FADS3: variants seen among roughly 807,000 people sequenced by gnomAD.
FADS3 encodes fatty acid desaturase 3, also known as cytochrome b5-related protein.
FADS3 carries 30 observed loss-of-function variants against 60.4 expected under a neutral mutation model. The observed-to-expected ratio is 0.50, with a 90% CI of 0.37 to 0.67. FADS3 has a LOEUF of 0.67. FADS3 is among the 30% of genes least tolerant of loss of function. The pLI, the probability that FADS3 is intolerant of heterozygous loss-of-function variation, is 0.00. For missense variants in FADS3, 432 were observed against 598.3 expected (o/e 0.72, Z 2.90); for synonymous variants, 234 against 249.3 (o/e 0.94, Z 0.58).
chr11:61,883,116 G>A (rs184921874), intron 1 of FADS3, among the ~76,000 whole-genome samples: 1 of 152,298 alleles, frequency 6.6e-6, no homozygotes, highest in Admixed American at 6.5e-5. Context: ...TTAAGTGCAT[G>A]CACAGTGTTG....
At chr11:61,881,840 A>T (rs1254949688) in intron 1 of FADS3, 1 of 152,230 alleles carries the variant, frequency 6.6e-6, no homozygotes, top group Non-Finnish European at 1.5e-5. Flanking sequence ...GGGGGCTGGT[A>T]GGGTGCCCCT....
At chr11:61,878,365 G>T in intron 5 of FADS3, 147 bp downstream of exon 5, 2 of 1,391,854 alleles carry the variant, frequency 1.4e-6, no homozygotes, top group Non-Finnish European at 2.0e-6. Context: ...TGGGAGGTGG[G>T]AAGGAAAGAC....
Position 61,879,528 on chromosome 11 carries a change from C to A in FADS3, c.325-19G>T, listed in dbSNP as rs537351047. The A allele has an allele frequency of 1.9e-6, 3 of 1,579,342 alleles. No individual in the cohort carries two copies. Among genetic ancestry groups the A allele is most frequent in the South Asian group, 2.3e-5 (2 of 86,432 alleles). ...GCTGCGCCTGCCATAGCAGAGGGGCCGATCAGCCAAGGAAGAAATTCCTCC... is the reference window on the plus strand; with the variant it reads ...GCTGCGCCTGCCATAGCAGAGGGGCAGATCAGCCAAGGAAGAAATTCCTCC... On this transcript the variant is annotated intron_variant, in intron 2 of 11. Coordinates refer to ENST00000278829, the MANE Select transcript of FADS3 (RefSeq NM_021727.5).
Position 61,877,002 on chromosome 11 carries a change from G to C in FADS3, c.886-39C>G, listed in dbSNP as rs1267879897. 2.1e-6 allele frequency: 3 copies of C among 1,449,240 alleles called. No individual in the cohort carries two copies. Among genetic ancestry groups the C allele is most frequent in the Middle Eastern group, 1.9e-4 (1 of 5,252 alleles). 89.8% of individuals were successfully genotyped at this position (1,449,240 alleles called of 1,614,324 possible). On this transcript the variant is annotated intron_variant, in intron 7 of 11. Coordinates refer to ENST00000278829, the MANE Select transcript of FADS3 (RefSeq NM_021727.5). The surrounding 1 kb of genome is among the most constrained non-coding windows in gnomAD (Gnocchi z 4.7). Reference sequence around the variant, plus strand: ...CAGAGGCGATACCGAGAGGTCTCCAGGTGCCCGGAGGTCTGGAGGCCTGGT... The same window carrying C: ...CAGAGGCGATACCGAGAGGTCTCCACGTGCCCGGAGGTCTGGAGGCCTGGT...
At position 61,878,271 on chromosome 11, in the gene FADS3, C is replaced by T. The variant is rs116362087; in HGVS notation, c.748-56G>A. Reference sequence around the variant, plus strand: ...AGCTCTCCAGGCCACCTCCTTCTCCCGGGCAAGGTCACGGGGCTGGCTGGG... The same window carrying T: ...AGCTCTCCAGGCCACCTCCTTCTCCTGGGCAAGGTCACGGGGCTGGCTGGG... On this transcript the variant is annotated intron_variant, in intron 5 of 11. Transcript: ENST00000278829. The T allele has an allele frequency of 1.6e-3, 2,483 of 1,576,960 alleles. 34 individuals carry two copies. The African/African-American group carries it at 0.029, about 18-fold the overall frequency.
At position 61,879,407 on chromosome 11, in the gene FADS3, G is replaced by C; in HGVS notation, c.427C>G (p.Leu143Val). 6.3e-7 allele frequency: 1 copy of C among 1,595,968 alleles called. No individual in the cohort carries two copies. The highest frequency in any genetic ancestry group is 1.7e-4 in the Middle Eastern group (1 of 6,046). ...AGCCAGGCCAGCACCTCCATGGCCA[G>C]GATGTGGCCCAGTAGGAAAGCAAAG... is the stretch of plus-strand genomic sequence containing the variant. ...TFFAFLLGHI[L>V]AMEVLAWLLI... The change falls in exon 3 of 12, where the codon CTG becomes GTG. Residue 143 changes from leucine (L) to valine (V), a missense_variant. Physicochemically the swap from Leu to Val is conservative, Grantham distance 32 (BLOSUM62 1). Around this residue, in one of 5 missense-constraint regions of FADS3, gnomAD observed 116 missense variants for 208.9 expected, o/e 0.56. Coordinates refer to ENST00000278829, the MANE Select transcript of FADS3 (RefSeq NM_021727.5).
At chr11:61,888,592 C>A (rs947468004) in intron 1 of FADS3, among the ~76,000 whole-genome samples, 3 of 152,198 alleles carry the variant, frequency 2.0e-5, no homozygotes, top group African/African-American at 7.2e-5. Flanking sequence ...AGGACCGTAA[C>A]CAAATAAGGT....
Position 61,891,268 on chromosome 11 carries a change from C to A in FADS3, c.114G>T (p.Trp38Cys), listed in dbSNP as rs1324466556. Residue 38 changes from tryptophan (W) to cysteine (C), a missense_variant, in exon 1 of 12, where the codon TGG (tryptophan) becomes TGT (cysteine). Physicochemically the swap from Trp to Cys is radical, Grantham distance 215 (BLOSUM62 -2). Around this residue, in one of 5 missense-constraint regions of FADS3, gnomAD observed 167 missense variants for 188.8 expected, o/e 0.88. Coordinates refer to ENST00000278829, the MANE Select transcript of FADS3 (RefSeq NM_021727.5). ...CGTAGACGCGGCGCTCGATGACCAGCCACTTGTCGCCGGGCTGGTCGTGCG... is the reference window on the plus strand; with the variant it reads ...CGTAGACGCGGCGCTCGATGACCAGACACTTGTCGCCGGGCTGGTCGTGCG... ...IRAHDQPGDK[W>C]LVIERRVYDI... is the part of the protein sequence containing the mutation. 1 of 1,539,914 alleles carries A rather than the reference C, an allele frequency of 6.5e-7. No individual in the cohort carries two copies. The highest frequency in any genetic ancestry group is 8.7e-7 in the Non-Finnish European group (1 of 1,146,506).
chr11:61,880,554 A>G (rs1477020452), intron 1 of FADS3: 4 of 156,652 alleles, frequency 2.6e-5, no homozygotes, highest in Non-Finnish European at 5.6e-5. Context: ...GGTCACGAAC[A>G]TTTGATTTAC....
In FADS3 at chr11:61,880,258, G is replaced by A. The variant is rs368044878; in HGVS notation, c.214-107C>T. 6.7e-4 allele frequency: 537 copies of A among 802,258 alleles called. 6 individuals are homozygous for A. In the South Asian group the frequency reaches 8.7e-3, roughly 13 times the overall value. 49.7% of individuals were successfully genotyped at this position (802,258 alleles called of 1,614,324 possible). A position where few individuals can be genotyped will look rare whatever the true frequency, so the allele number is the denominator to read the frequency against. ...CTACGGATGGATGGGCAGAGCAGAC[G>A]ACAGGCGGACAGGAAGTCAGCCGGC... is the stretch of plus-strand genomic sequence containing the variant. On this transcript the variant is annotated intron_variant, in intron 1 of 11. Transcript: ENST00000278829.
At position 61,889,232 on chromosome 11, in the gene FADS3, A is replaced by G. The variant is rs917407864; in HGVS notation, c.213+1937T>C. On this transcript the variant is annotated intron_variant, in intron 1 of 11. Coordinates refer to ENST00000278829, the MANE Select transcript of FADS3 (RefSeq NM_021727.5). ...TTAAAACAGATATTATTGGCTGCGAATCAATGAGAAAACTGTGTGATGGAA... is the reference window on the plus strand; with the variant it reads ...TTAAAACAGATATTATTGGCTGCGAGTCAATGAGAAAACTGTGTGATGGAA... Among the ~76,000 whole-genome samples the G allele has an allele frequency of 5.9e-5, 9 of 152,208 alleles. No homozygotes were observed. The East Asian group carries it at 9.6e-4, about 16-fold the overall frequency.
At chr11:61,889,661 G>A (rs1938431430) in intron 1 of FADS3, among the ~76,000 whole-genome samples, 1 of 151,044 alleles carries the variant, frequency 6.6e-6, no homozygotes, top group Admixed American at 6.6e-5. Flanking sequence ...GGTTGGTGGG[G>A]AGTAAAGTTT....
chr11:61,879,904 G>A (rs1938063731), intron 2 of FADS3, 137 bp downstream of exon 2: 1 of 664,038 alleles, frequency 1.5e-6, no homozygotes, highest in South Asian at 2.0e-5. Flanking sequence ...TGGGAGGGGA[G>A]GGCAGGCTCA....
chr11:61,885,474 C>A (rs1010738082), intron 1 of FADS3, among the ~76,000 whole-genome samples: 11 of 152,232 alleles, frequency 7.2e-5, no homozygotes, highest in South Asian at 2.1e-4. Context: ...CTGAGCCCTG[C>A]AGCCCTGATG....
intron 1 of FADS3, among the ~76,000 whole-genome samples, chr11:61,889,613 C>T (rs1938429034): frequency 6.6e-6 from 1 of 152,182 alleles, no homozygotes; most frequent in Non-Finnish European, 1.5e-5. Context: ...CGCCATTGCA[C>T]TCCAGTCTGG....
At position 61,879,519 on chromosome 11, in the gene FADS3, C is replaced by A. The variant is rs547770410; in HGVS notation, c.325-10G>T. On this transcript the variant is annotated splice_polypyrimidine_tract_variant and intron_variant, in intron 2 of 11. Coordinates refer to ENST00000278829, the MANE Select transcript of FADS3 (RefSeq NM_021727.5). Reference sequence around the variant, plus strand: ...CCTCGACCAGCTGCGCCTGCCATAGCAGAGGGGCCGATCAGCCAAGGAAGA... The same window carrying A: ...CCTCGACCAGCTGCGCCTGCCATAGAAGAGGGGCCGATCAGCCAAGGAAGA... 2 of 1,587,458 alleles carry A rather than the reference C, an allele frequency of 1.3e-6. No individual in the cohort carries two copies. The highest frequency in any genetic ancestry group is 2.3e-5 in the East Asian group (1 of 43,984).
Position 61,879,910 on chromosome 11 carries a change from G to A in FADS3, c.324+131C>T, listed in dbSNP as rs115905177. On this transcript the variant is annotated intron_variant, in intron 2 of 11. Transcript: ENST00000278829. ...CCTGCCCCCTGGGAGGGGAGGGCAG[G>A]CTCAGCCCTGGCTCTGCATCCCCTT... is the stretch of plus-strand genomic sequence containing the variant. The A allele has an allele frequency of 3.1e-3, 2,127 of 695,010 alleles. 31 individuals are homozygous for A. In the African/African-American group the frequency reaches 0.031, roughly 10 times the overall value. 43.1% of individuals were successfully genotyped at this position (695,010 alleles called of 1,614,324 possible).
intron 1 of FADS3, among the ~76,000 whole-genome samples, chr11:61,883,631 C>T (rs1263257707): frequency 2.0e-5 from 3 of 152,346 alleles, no homozygotes; most frequent in Non-Finnish European, 2.9e-5. Context: ...GCTGTGGCTG[C>T]GGCCCCAGAA....
chr11:61,891,129 C>A (rs1287980916), intron 1 of FADS3, 40 bp downstream of exon 1: 2 of 1,512,754 alleles, frequency 1.3e-6, no homozygotes. Context: ...GAGCTCCAGG[C>A]TCCACCCGCC....
Sources: allele counts gnomAD v4.1 joint callset (sites outside exome capture counted in the v4.1 genomes callset), GRCh38; gene constraint gnomAD v4.1.1; regional missense constraint gnomAD v4.1.1; non-coding constraint Gnocchi (gnomAD v3.1); transcripts MANE v1.5; gene names NCBI Gene and HGNC (gene_info 2026-07-23, HGNC 2026-07-21).